Variants in METTL15 observed in about 807,000 individuals in gnomAD.
METTL15 encodes the protein 12S rRNA N(4)-cytidine methyltransferase METTL15.
In METTL15, 34 loss-of-function variants were observed where a neutral mutation model predicts 38.3. That is an observed-to-expected ratio of 0.89 (90% CI 0.68 to 1.18). The LOEUF (loss-of-function observed/expected upper bound fraction) is 1.18. METTL15 is among the 50% of genes most tolerant of loss of function. The pLI, the probability that METTL15 is intolerant of heterozygous loss-of-function variation, is 0.00. For missense variants in METTL15, 438 were observed against 498.4 expected (o/e 0.88, Z 1.15); for synonymous variants, 162 against 170.9 (o/e 0.95, Z 0.41).
chr11:28,528,403 C>T (rs574023300), downstream of METTL15, among the ~76,000 whole-genome samples: 1 of 152,310 alleles, frequency 6.6e-6, no homozygotes, highest in African/African-American at 2.4e-5. Context: ...CAGGGGAGGA[C>T]TTAAAGGAAC....
chr11:28,217,127 G>C (rs1159513762), intron 4 of METTL15, among the ~76,000 whole-genome samples: 1 of 152,114 alleles, frequency 6.6e-6, no homozygotes, highest in Admixed American at 6.6e-5. Context: ...GATCCCTGAG[G>C]AATCGCCACA....
chr11:28,280,790 C>A (rs1856026598), intron 4 of METTL15, among the ~76,000 whole-genome samples: 1 of 151,362 alleles, frequency 6.6e-6, no homozygotes, highest in Admixed American at 6.6e-5. Context: ...TGCTTTTAAG[C>A]CCATCTATAG....
intron 6 of METTL15, among the ~76,000 whole-genome samples, chr11:28,429,592 C>T (rs1221325063): frequency 1.3e-5 from 1 of 77,372 alleles, no homozygotes; most frequent in Non-Finnish European, 2.6e-5. Context: ...CCCCTAACCG[C>T]AAGTGATCCG....
intron 6 of METTL15, among the ~76,000 whole-genome samples, chr11:28,525,710 A>G (rs563644776): frequency 6.6e-6 from 1 of 152,404 alleles, no homozygotes; most frequent in East Asian, 1.9e-4. Flanking sequence ...AGTCCCCACT[A>G]GATTCAGAAG....
chr11:28,234,906 C>T (rs1853874606), intron 4 of METTL15, among the ~76,000 whole-genome samples: 1 of 147,464 alleles, frequency 6.8e-6, no homozygotes, highest in African/African-American at 2.5e-5. Flanking sequence ...ATGGTAATGC[C>T]TAGGTTTTCT....
chr11:28,163,321 A>C, intron 3 of METTL15: 1 of 397,868 alleles, frequency 2.5e-6, no homozygotes. Flanking sequence ...TTATTATTTT[A>C]TTCACAGAAT....
At chr11:28,365,534 C>G (rs572527165) in intron 5 of METTL15, among the ~76,000 whole-genome samples, 1 of 152,168 alleles carries the variant, frequency 6.6e-6, no homozygotes, top group South Asian at 2.1e-4. Context: ...TTTGTCATAT[C>G]TGATTGCATT....
intron 4 of METTL15, among the ~76,000 whole-genome samples, chr11:28,354,240 C>T (rs1850070567): frequency 6.6e-6 from 1 of 152,170 alleles, no homozygotes; most frequent in South Asian, 2.1e-4. Context: ...CACACCAGAA[C>T]TGGATAACAA....
intron 4 of METTL15, among the ~76,000 whole-genome samples, chr11:28,360,930 T>C (rs1189951428): frequency 6.6e-6 from 1 of 151,378 alleles, no homozygotes. Context: ...GTCCTTGCGA[T>C]AGTTTACTGA....
intron 3 of METTL15, among the ~76,000 whole-genome samples, chr11:28,124,718 T>A (rs1852399006): frequency 6.6e-6 from 1 of 152,086 alleles, no homozygotes; most frequent in African/African-American, 2.4e-5. Flanking sequence ...TTCCCTGCTT[T>A]CTCTAGCACC....
intron 6 of METTL15, among the ~76,000 whole-genome samples, chr11:28,298,505 A>G (rs1565235110): frequency 6.6e-6 from 1 of 152,112 alleles, no homozygotes; most frequent in Non-Finnish European, 1.5e-5. Flanking sequence ...AATTTAAGGC[A>G]TAATTGGGAA....
intron 6 of METTL15, among the ~76,000 whole-genome samples, chr11:28,427,946 ATAC>A (rs1850880258): frequency 6.6e-6 from 1 of 152,202 alleles, no homozygotes; most frequent in East Asian, 1.9e-4. Context: ...AGAACTTCCA[ATAC>A]TACGTTGAAC....
chr11:28,152,675 A>C (rs1014423292), intron 3 of METTL15, among the ~76,000 whole-genome samples: 6 of 151,990 alleles, frequency 3.9e-5, no homozygotes, highest in Admixed American at 1.3e-4. Context: ...CAAGTTCCTT[A>C]TATAAAATGA....
At chr11:28,141,493 G>A (rs920925754) in intron 3 of METTL15, among the ~76,000 whole-genome samples, 1 of 151,820 alleles carries the variant, frequency 6.6e-6, no homozygotes, top group African/African-American at 2.4e-5. Flanking sequence ...GACCAGCCTT[G>A]GCAACATAGT....
At chr11:28,520,372 C>T (rs1314455766) in intron 6 of METTL15, among the ~76,000 whole-genome samples, 1 of 151,946 alleles carries the variant, frequency 6.6e-6, no homozygotes, top group African/African-American at 2.4e-5. Context: ...GAGTCAGGGG[C>T]CTAGGAATGT....
intron 3 of METTL15, among the ~76,000 whole-genome samples, chr11:28,170,302 C>T (rs139000262): frequency 6.6e-6 from 1 of 152,114 alleles, no homozygotes; most frequent in African/African-American, 2.4e-5. Context: ...GTTGGTTTCT[C>T]CAGATAATGA....
intron 6 of METTL15, among the ~76,000 whole-genome samples, chr11:28,521,531 A>G (rs546546287): frequency 1.3e-5 from 2 of 152,270 alleles, no homozygotes; most frequent in South Asian, 2.1e-4. Context: ...GCAGTGCCAG[A>G]GGCTTAGGAA....
At chr11:28,428,402 T>C (rs1019525931) in intron 6 of METTL15, among the ~76,000 whole-genome samples, 1 of 152,226 alleles carries the variant, frequency 6.6e-6, no homozygotes, top group Non-Finnish European at 1.5e-5. Flanking sequence ...ATTTAGTGCA[T>C]AATTGTATAT....
chr11:28,459,418 C>T (rs1471757116), intron 6 of METTL15, among the ~76,000 whole-genome samples: 2 of 152,104 alleles, frequency 1.3e-5, no homozygotes, highest in African/African-American at 2.4e-5. Context: ...GAAACAGTAT[C>T]AGGAGCAGAA....
Sources: gnomAD v4.1 joint callset for allele counts (sites outside exome capture counted in the v4.1 genomes callset) on GRCh38, gnomAD v4.1.1 for gene constraint, MANE v1.5 for transcripts, NCBI Gene and HGNC (gene_info 2026-07-23, HGNC 2026-07-21) for gene names.